Variants in RSL1D1 observed in about 807,000 individuals in gnomAD.
RSL1D1 encodes the protein ribosomal L1 domain containing 1.
A neutral mutation model predicts 44.6 loss-of-function variants in RSL1D1; 34 were observed. The observed-to-expected ratio is 0.76, with a 90% CI of 0.58 to 1.02. The LOEUF is 1.02. RSL1D1 is among the 50% of genes least tolerant of loss of function. The probability of loss-of-function intolerance (pLI) is 0.00; values close to 1 mark genes in which losing one functional copy is unlikely to be tolerated. For missense variants in RSL1D1, 767 were observed against 568.1 expected (o/e 1.35, Z -3.56); for synonymous variants, 271 against 207.4 (o/e 1.31, Z -2.63).
Position 11,837,977 on chromosome 16 carries a change from G to C in RSL1D1, c.1283C>G (p.Pro428Arg), listed in dbSNP as rs745920036. 1 of 1,613,852 alleles carries C rather than the reference G, an allele frequency of 6.2e-7. No individual in the cohort carries two copies. The highest frequency in any genetic ancestry group is 1.1e-5 in the South Asian group (1 of 91,064). Residue 428 changes from proline to arginine, a missense_variant, in exon 9 of 9, where the codon CCA becomes CGA. Physicochemically the swap from Pro to Arg is moderately radical, Grantham distance 103. Transcript: ENST00000571133. ...TTCTTTGATTTTTGGCTTCTTCTCT[G>C]GGCTTTTCCCTGGGGTCTCAGACTC... The part of the protein sequence containing the change: ...AAESETPGKS[P>R]EKKPKIKEEA...
Position 11,847,751 on chromosome 16 carries a change from C to T in RSL1D1, c.301G>A (p.Asp101Asn), listed in dbSNP as rs771973546. ...TTTTCAGGAGTTGAATTGGGTTCAT[C>T]CTTCGTAAATAAACAGATATCTTCT... The part of the protein sequence containing the change: ...DSEDICLFTK[D>N]EPNSTPEKTE... The change falls in exon 3 of 9, where the codon GAT becomes AAT. Residue 101 changes from aspartate to asparagine, a missense_variant. Coordinates refer to ENST00000571133, the MANE Select transcript of RSL1D1 (RefSeq NM_015659.3). The T allele has an allele frequency of 6.2e-6, 10 of 1,613,234 alleles. No homozygotes were observed. The highest frequency in any genetic ancestry group is 1.3e-5 in the African/African-American group (1 of 75,032).
chr16:11,838,172 T>C, intron 8 of RSL1D1, 59 bp from the exon 9 acceptor site: 2 of 1,288,268 alleles, frequency 1.6e-6, no homozygotes. Context: ...ACACTCTAAC[T>C]CCAGGAGTTA....
chr16:11,850,027 A>C (rs2053826057), intron 2 of RSL1D1, among the ~76,000 whole-genome samples: 1 of 152,086 alleles, frequency 6.6e-6, no homozygotes, highest in African/African-American at 2.4e-5. Flanking sequence ...GGGTTTTACC[A>C]TGTTGGCCAG....
At chr16:11,851,027 C>T in intron 1 of RSL1D1, 1 of 345,086 alleles carries the variant, frequency 2.9e-6, no homozygotes, top group Non-Finnish European at 5.6e-6. Flanking sequence ...GGCCAAAGCG[C>T]TTTACACTCA....
At chr16:11,838,443 G>A (rs560086716) in intron 8 of RSL1D1, among the ~76,000 whole-genome samples, 43 of 152,102 alleles carry the variant, frequency 2.8e-4, no homozygotes, top group African/African-American at 8.7e-4. Context: ...GATTACAGGC[G>A]TGAGCCACTG....
chr16:11,847,362 G>C (rs1455551065), intron 3 of RSL1D1, among the ~76,000 whole-genome samples: 1 of 152,016 alleles, frequency 6.6e-6, no homozygotes, highest in East Asian at 1.9e-4. Context: ...GCGACAGAGC[G>C]AGACTCCAAA....
At position 11,837,732 on chromosome 16, in the gene RSL1D1, T is replaced by C; in HGVS notation, c.*55A>G. On this transcript the variant is annotated 3_prime_UTR_variant, in exon 9 of 9. Transcript: ENST00000571133. ...ACAAAGGCGGCCAGGATCTGAGTAT[T>C]TCCAAAAAGCTCTGGAGGCAGCATT... 6.8e-7 allele frequency: 1 copy of C among 1,462,610 alleles called. No homozygotes were observed. The highest frequency in any genetic ancestry group is 2.3e-5 in the East Asian group (1 of 43,986). The allele number at this position is 1,462,610 out of a possible 1,614,324, so 90.6% of individuals were successfully genotyped here.
intron 5 of RSL1D1, among the ~76,000 whole-genome samples, chr16:11,844,216 C>G (rs536984961): frequency 2.4e-4 from 36 of 152,240 alleles, no homozygotes; most frequent in African/African-American, 8.7e-4. Context: ...GGGAGAGGAA[C>G]AGAAGTGGAA....
At chr16:11,851,034 C>A (rs1263277784) in intron 1 of RSL1D1, 3 of 354,474 alleles carry the variant, frequency 8.5e-6, no homozygotes, top group Non-Finnish European at 1.1e-5. Context: ...GCGCTTTACA[C>A]TCATTACCTC....
chr16:11,837,763 T>C lies in RSL1D1; in HGVS notation c.*24A>G. 6.4e-7 allele frequency: 1 copy of C among 1,574,380 alleles called. No homozygotes were observed. Among genetic ancestry groups the C allele is most frequent in the Non-Finnish European group, 8.6e-7 (1 of 1,158,968 alleles). On this transcript the variant is annotated 3_prime_UTR_variant, in exon 9 of 9. Coordinates refer to ENST00000571133, the MANE Select transcript of RSL1D1 (RefSeq NM_015659.3). ...AAAGCTCTGGAGGCAGCATTGAGGT[T>C]TCCTTCCAGTTGAATCACTGACTTT...
chr16:11,838,848 C>T (rs1404957461), intron 8 of RSL1D1, among the ~76,000 whole-genome samples: 1 of 131,744 alleles, frequency 7.6e-6, no homozygotes, highest in South Asian at 2.4e-4. Context: ...CAAAGTGAGA[C>T]CTTGTCTCAA....
At chr16:11,850,802 G>A (rs1386609963) in intron 1 of RSL1D1, among the ~76,000 whole-genome samples, 1 of 152,184 alleles carries the variant, frequency 6.6e-6, no homozygotes, top group African/African-American at 2.4e-5. Context: ...CAATTCTCCT[G>A]CCTCAGCTTC....
chr16:11,847,890 T>G, intron 2 of RSL1D1, 84 bp from the exon 3 acceptor site: 2 of 1,346,844 alleles, frequency 1.5e-6, no homozygotes, highest in Non-Finnish European at 2.1e-6. Context: ...CGCGATAAAC[T>G]TAGTGTTATT....
At chr16:11,839,189 A>T (rs915947203) in intron 8 of RSL1D1, among the ~76,000 whole-genome samples, 1 of 151,948 alleles carries the variant, frequency 6.6e-6, no homozygotes, top group Admixed American at 6.6e-5. Flanking sequence ...AACATGGCAA[A>T]ACCCCGTCTC....
At position 11,845,963 on chromosome 16, in the gene RSL1D1, G is replaced by A. The variant is rs1347033590; in HGVS notation, c.635+538C>T. 2.0e-5 allele frequency among the ~76,000 whole-genome samples: 3 copies of A among 151,844 alleles called. No homozygotes were observed. The East Asian group carries it at 5.8e-4, about 29-fold the overall frequency. On this transcript the variant is annotated intron_variant, in intron 5 of 8. Transcript: ENST00000571133. ...GCCCAAGCTGGTCTTGCACTCCTGG[G>A]CTCAAGCGATCCTCCTGCCTAGGCC...
At chr16:11,850,838 C>T (rs893204317) in intron 1 of RSL1D1, among the ~76,000 whole-genome samples, 2 of 152,164 alleles carry the variant, frequency 1.3e-5, no homozygotes, top group Admixed American at 1.3e-4. Context: ...TACAGGCGCC[C>T]GCCACCACGC....
At chr16:11,840,032 G>C in intron 7 of RSL1D1, 47 bp from the exon 8 acceptor site, 1 of 1,589,410 alleles carries the variant, frequency 6.3e-7, no homozygotes, top group Non-Finnish European at 8.5e-7. Flanking sequence ...CAGTTCTGTT[G>C]GTTAACAAAC....
At position 11,834,566 on chromosome 16, in the gene RSL1D1, T is replaced by C. The variant is rs1596434511; in HGVS notation, c.*3221A>G. 6.6e-6 allele frequency: 1 copy of C among 152,248 alleles called. No individual in the cohort carries two copies. Among genetic ancestry groups the C allele is most frequent in the South Asian group, 2.1e-4 (1 of 4,836 alleles). 9.4% of individuals were successfully genotyped at this position (152,248 alleles called of 1,614,324 possible). A position where few individuals can be genotyped will look rare whatever the true frequency, so the allele number is the denominator to read the frequency against. On this transcript the variant is annotated 3_prime_UTR_variant, in exon 9 of 9. Coordinates refer to ENST00000571133, the MANE Select transcript of RSL1D1 (RefSeq NM_015659.3). ...CAGCTATTGCTGGAAAATTATGTCA[T>C]GCAGAGAACAGACTGGCACGATTAC...
At position 11,839,798 on chromosome 16, in the gene RSL1D1, C is replaced by G. The variant is rs760933954; in HGVS notation, c.1043G>C (p.Arg348Pro). Residue 348 changes from arginine (R) to proline (P), a missense_variant, in exon 8 of 9, where the codon CGT becomes CCT. Transcript: ENST00000571133. ...EQTPEHGKKKRGRGKAQVKAT... is the reference protein window; with the variant it reads ...EQTPEHGKKKPGRGKAQVKAT... The stretch of plus-strand genomic sequence containing the variant: ...TTTAACTTGGGCTTTTCCTCTGCCA[C>G]GTTTTTTCTTCCCATGCTCTGGGGT... The G allele has an allele frequency of 6.2e-7, 1 of 1,614,118 alleles. No homozygotes were observed. The highest frequency in any genetic ancestry group is 1.3e-5 in the African/African-American group (1 of 75,016).
Sources: allele counts gnomAD v4.1 joint callset (sites outside exome capture counted in the v4.1 genomes callset), GRCh38; gene constraint gnomAD v4.1.1; transcripts MANE v1.5; gene names NCBI Gene and HGNC (gene_info 2026-07-23, HGNC 2026-07-21).